THSD7B: variants seen among roughly 807,000 people sequenced by gnomAD.
The protein encoded by THSD7B is thrombospondin type-1 domain-containing protein 7B.
Under a neutral mutation model 213.6 loss-of-function variants are expected in THSD7B, and 138 were observed. The observed-to-expected ratio is 0.65, with a 90% CI of 0.56 to 0.74. The LOEUF (loss-of-function observed/expected upper bound fraction) is 0.74. THSD7B is among the 30% of genes least tolerant of loss of function. The pLI is 0.00. For missense variants in THSD7B, 1,931 were observed against 1,991.5 expected (o/e 0.97, Z 0.58); for synonymous variants, 742 against 687.0 (o/e 1.08, Z -1.25).
At chr2:136,893,954 C>T (rs79203712) in intron 2 of THSD7B, among the ~76,000 whole-genome samples, 1 of 152,076 alleles carries the variant, frequency 6.6e-6, no homozygotes, top group African/African-American at 2.4e-5. Context: ...TGTTTCCTTT[C>T]TTTTTAGAGT....
intron 1 of THSD7B, among the ~76,000 whole-genome samples, chr2:136,811,112 C>A (rs1649554): frequency 0.29 from 44,476 of 152,040 alleles, 6,937 homozygotes; most frequent in Non-Finnish European, 0.34. Flanking sequence ...AAGGATTAAT[C>A]CAGGCTCTAC....
intron 11 of THSD7B, among the ~76,000 whole-genome samples, chr2:137,273,803 C>A (rs1682806772): frequency 6.6e-6 from 1 of 152,008 alleles, no homozygotes; most frequent in Non-Finnish European, 1.5e-5. Flanking sequence ...ATTGTGGAAA[C>A]ACTGTCAATA....
intron 12 of THSD7B, 88 bp from the exon 13 acceptor site, chr2:137,405,525 C>T (rs1459969112): frequency 1.9e-5 from 24 of 1,288,290 alleles, no homozygotes; most frequent in Non-Finnish European, 2.4e-5. Flanking sequence ...AGTTTTTAAA[C>T]ATTGGGGGAT....
rs533619862 is a variant in THSD7B at position 137,600,307 on chromosome 2, A to G, written c.3424-15868A>G. Among the ~76,000 whole-genome samples, 13 of 152,356 alleles carry G rather than the reference A, an allele frequency of 8.5e-5. No individual in the cohort carries two copies. In the East Asian group the frequency reaches 2.5e-3, roughly 29 times the overall value. On this transcript the variant is annotated intron_variant, in intron 17 of 27. Transcript: ENST00000409968. ...CAGTCATGCGCCACATAACATTTCA[A>G]TAATGACTAACCACATGTATGAAGG... is the stretch of plus-strand genomic sequence containing the variant.
chr2:137,004,977 A>G (rs10210914), intron 2 of THSD7B, among the ~76,000 whole-genome samples: 10,582 of 152,268 alleles, frequency 0.069, 420 homozygotes, highest in Middle Eastern at 0.17. Context: ...TTATTCATGC[A>G]TGAGTGCATT....
chr2:137,533,945 T>A (rs1416003233), intron 15 of THSD7B, among the ~76,000 whole-genome samples: 1 of 151,748 alleles, frequency 6.6e-6, no homozygotes, highest in Non-Finnish European at 1.5e-5. Flanking sequence ...ATATTGGTTG[T>A]TTATTCCAAT....
intron 12 of THSD7B, among the ~76,000 whole-genome samples, chr2:137,350,276 G>T (rs1165801433): frequency 6.6e-6 from 1 of 151,820 alleles, no homozygotes; most frequent in Non-Finnish European, 1.5e-5. Context: ...AATTTTTTCT[G>T]GAGGAAATAT....
At chr2:137,263,857 AT>A (rs1473493016) in intron 10 of THSD7B, among the ~76,000 whole-genome samples, 1 of 152,118 alleles carries the variant, frequency 6.6e-6, no homozygotes, top group African/African-American at 2.4e-5. Context: ...AGGGCATTGC[AT>A]TTTTTTAAGC....
At chr2:137,246,461 A>G (rs929913065) in intron 10 of THSD7B, among the ~76,000 whole-genome samples, 4 of 152,176 alleles carry the variant, frequency 2.6e-5, no homozygotes, top group African/African-American at 9.7e-5. Context: ...TGTTTATGGG[A>G]CCAAGTGCAC....
intron 10 of THSD7B, among the ~76,000 whole-genome samples, chr2:137,271,291 CTG>C (rs1473303016): frequency 6.6e-6 from 1 of 150,602 alleles, no homozygotes; most frequent in Non-Finnish European, 1.5e-5. Flanking sequence ...AGTTACTTGT[CTG>C]TCTTTGTAAA....
chr2:137,370,818 A>G (rs539178981), intron 12 of THSD7B, among the ~76,000 whole-genome samples: 2 of 152,018 alleles, frequency 1.3e-5, no homozygotes, highest in Non-Finnish European at 2.9e-5. Flanking sequence ...CTCATTATGC[A>G]TGTACACTTC....
chr2:137,496,845 T>C (rs938062952), intron 15 of THSD7B, among the ~76,000 whole-genome samples: 3 of 152,178 alleles, frequency 2.0e-5, no homozygotes, highest in Non-Finnish European at 4.4e-5. Context: ...ATTTTTTGAG[T>C]GCCTATCATG....
intron 2 of THSD7B, among the ~76,000 whole-genome samples, chr2:136,902,574 C>T (rs80228225): frequency 0.02 from 3,101 of 152,184 alleles, 58 homozygotes; most frequent in East Asian, 0.092. Context: ...CCACATGCGC[C>T]GAGGATAGGG....
At chr2:137,475,096 G>A (rs1688167047) in intron 15 of THSD7B, among the ~76,000 whole-genome samples, 1 of 152,120 alleles carries the variant, frequency 6.6e-6, no homozygotes, top group South Asian at 2.1e-4. Context: ...CATGTATATT[G>A]CTAACAGTAG....
intron 15 of THSD7B, chr2:137,479,542 A>G (rs1688258796): frequency 2.9e-6 from 1 of 349,310 alleles, no homozygotes; most frequent in Non-Finnish European, 5.8e-6. Flanking sequence ...AGCCTTAGGC[A>G]GGTGGCTGGG....
intron 2 of THSD7B, among the ~76,000 whole-genome samples, chr2:136,989,253 A>T (rs1685722051): frequency 6.6e-6 from 1 of 152,004 alleles, no homozygotes; most frequent in Non-Finnish European, 1.5e-5. Context: ...TTCAAATCTC[A>T]CGTTGAAATG....
At chr2:137,366,247 G>A (rs1037696949) in intron 12 of THSD7B, among the ~76,000 whole-genome samples, 3 of 152,026 alleles carry the variant, frequency 2.0e-5, no homozygotes, top group Non-Finnish European at 1.5e-5. Flanking sequence ...GTCATGGGGT[G>A]GGGGGATGAG....
At chr2:136,962,475 T>C (rs1003316405) in intron 2 of THSD7B, among the ~76,000 whole-genome samples, 3 of 144,896 alleles carry the variant, frequency 2.1e-5, no homozygotes, top group Non-Finnish European at 4.5e-5. Flanking sequence ...AGACATTGCA[T>C]GGGAATAGGC....
intron 20 of THSD7B, among the ~76,000 whole-genome samples, chr2:137,632,878 A>G (rs1211849607): frequency 3.9e-5 from 6 of 152,182 alleles, no homozygotes; most frequent in Non-Finnish European, 7.4e-5. Context: ...AAAAGCCTAT[A>G]GAATGTTTAT....
Sources: gnomAD v4.1 joint callset for allele counts (sites outside exome capture counted in the v4.1 genomes callset) on GRCh38, gnomAD v4.1.1 for gene constraint, MANE v1.5 for transcripts, NCBI Gene and HGNC (gene_info 2026-07-23, HGNC 2026-07-21) for gene names.